Variants in CCSER1 observed in about 807,000 individuals in gnomAD.
CCSER1 encodes serine-rich coiled-coil domain-containing protein 1.
CCSER1 carries 41 observed loss-of-function variants against 82.0 expected under a neutral mutation model. The observed-to-expected ratio is 0.50, with a 90% CI of 0.39 to 0.65. CCSER1 has a LOEUF of 0.65. Ranked by LOEUF, CCSER1 falls within the 30% of genes least tolerant of loss-of-function variation. The pLI is 0.00. For missense variants in CCSER1, 1,119 were observed against 1,064.2 expected (o/e 1.05, Z -0.72); for synonymous variants, 414 against 383.9 (o/e 1.08, Z -0.92).
chr4:90,919,084 C>A (rs1438772654), intron 8 of CCSER1, among the ~76,000 whole-genome samples: 3 of 95,098 alleles, frequency 3.2e-5, no homozygotes, highest in Admixed American at 1.4e-4. Flanking sequence ...AAATTGTTTC[C>A]ACAGTAAAAA....
At chr4:90,763,287 A>G (rs1468333746) in intron 7 of CCSER1, among the ~76,000 whole-genome samples, 1 of 152,002 alleles carries the variant, frequency 6.6e-6, no homozygotes, top group Non-Finnish European at 1.5e-5. Context: ...AGAGAGGTCA[A>G]GCAGTAGACT....
intron 1 of CCSER1, among the ~76,000 whole-genome samples, chr4:90,198,888 C>T (rs1346031171): frequency 6.6e-6 from 1 of 151,894 alleles, no homozygotes; most frequent in African/African-American, 2.4e-5. Context: ...TTATTCAAAT[C>T]TTTACATTTA....
At chr4:91,054,049 A>T (rs1350980714) in intron 9 of CCSER1, among the ~76,000 whole-genome samples, 1 of 152,194 alleles carries the variant, frequency 6.6e-6, no homozygotes, top group Non-Finnish European at 1.5e-5. Context: ...ATAAATTGCT[A>T]CAAGTGGTAT....
intron 4 of CCSER1, among the ~76,000 whole-genome samples, chr4:90,424,477 A>G (rs1214332282): frequency 6.6e-6 from 1 of 152,196 alleles, no homozygotes; most frequent in African/African-American, 2.4e-5. Flanking sequence ...CTTTACATGC[A>G]TACATGAATT....
intron 8 of CCSER1, among the ~76,000 whole-genome samples, chr4:90,916,801 TCAAA>T (rs1310558204): frequency 6.6e-6 from 1 of 151,742 alleles, no homozygotes; most frequent in Non-Finnish European, 1.5e-5. Flanking sequence ...TACAAAGAAC[TCAAA>T]CAAATTTACA....
chr4:90,817,218 T>C (rs1249523559), intron 8 of CCSER1, among the ~76,000 whole-genome samples: 1 of 152,138 alleles, frequency 6.6e-6, no homozygotes, highest in African/African-American at 2.4e-5. Context: ...CACCTATAGA[T>C]ATTTATTGCA....
chr4:91,592,043 G>T (rs980958173), intron 10 of CCSER1, among the ~76,000 whole-genome samples: 1 of 152,128 alleles, frequency 6.6e-6, no homozygotes, highest in African/African-American at 2.4e-5. Flanking sequence ...CCAGGTACTG[G>T]TAGGACATGT....
chr4:90,594,476 T>C (rs1783076722), intron 5 of CCSER1, among the ~76,000 whole-genome samples: 1 of 152,078 alleles, frequency 6.6e-6, no homozygotes, highest in African/African-American at 2.4e-5. Context: ...CCAACATAAG[T>C]ATGGACAGGG....
intron 5 of CCSER1, among the ~76,000 whole-genome samples, chr4:90,498,591 T>C (rs1316156201): frequency 1.3e-5 from 2 of 152,200 alleles, no homozygotes; most frequent in Non-Finnish European, 2.9e-5. Context: ...TTGTAAATTA[T>C]AATGGCATGA....
chr4:90,198,353 T>G (rs923268786), intron 1 of CCSER1, among the ~76,000 whole-genome samples: 1 of 152,114 alleles, frequency 6.6e-6, no homozygotes, highest in Admixed American at 6.6e-5. Flanking sequence ...TACCACTGCT[T>G]GTAGATCCCA....
At chr4:91,145,559 T>C (rs1429911091) in intron 10 of CCSER1, among the ~76,000 whole-genome samples, 5 of 152,196 alleles carry the variant, frequency 3.3e-5, no homozygotes, top group Non-Finnish European at 7.4e-5. Context: ...GTGGGCTATG[T>C]ACTTAAGTGT....
intron 8 of CCSER1, among the ~76,000 whole-genome samples, chr4:90,878,515 T>G (rs1223938385): frequency 6.6e-6 from 1 of 152,146 alleles, no homozygotes; most frequent in Non-Finnish European, 1.5e-5. Context: ...AAATGCTAAA[T>G]GAATAATATA....
chr4:91,083,141 G>A (rs1722971587), intron 9 of CCSER1, among the ~76,000 whole-genome samples: 1 of 152,158 alleles, frequency 6.6e-6, no homozygotes, highest in Non-Finnish European at 1.5e-5. Flanking sequence ...ATTCACAATA[G>A]CAAAGACTTG....
chr4:91,539,999 ATAAG>A (rs541927888), intron 10 of CCSER1, among the ~76,000 whole-genome samples: 130 of 152,274 alleles, frequency 8.5e-4, no homozygotes, highest in African/African-American at 2.9e-3. Flanking sequence ...ATGATGGAAC[ATAAG>A]TAAGTCTCTA....
At chr4:90,152,939 G>T (rs1228458440) in intron 1 of CCSER1, among the ~76,000 whole-genome samples, 1 of 150,700 alleles carries the variant, frequency 6.6e-6, no homozygotes. Context: ...CAATGTGCAG[G>T]TTAGTTACAT....
At chr4:90,624,274 G>A (rs1372348347) in intron 5 of CCSER1, among the ~76,000 whole-genome samples, 1 of 152,114 alleles carries the variant, frequency 6.6e-6, no homozygotes, top group Admixed American at 6.6e-5. Context: ...CTATGCAACT[G>A]ACATGATCTT....
chr4:91,151,705 T>C (rs1455961126), intron 10 of CCSER1, among the ~76,000 whole-genome samples: 1 of 152,220 alleles, frequency 6.6e-6, no homozygotes, highest in Non-Finnish European at 1.5e-5. Flanking sequence ...AAGAACGTCT[T>C]TGTTTCTGCC....
chr4:91,472,902 T>C (rs1196683596), intron 10 of CCSER1, among the ~76,000 whole-genome samples: 1 of 152,194 alleles, frequency 6.6e-6, no homozygotes, highest in African/African-American at 2.4e-5. Flanking sequence ...TTATATCACA[T>C]AATGGTCAGC....
chr4:91,305,856 G>A (rs555113307), intron 10 of CCSER1, among the ~76,000 whole-genome samples: 2 of 152,072 alleles, frequency 1.3e-5, no homozygotes, highest in South Asian at 2.1e-4. Context: ...GCAGAAGAGC[G>A]TGTTCAGGGG....
Sources: gnomAD v4.1 joint callset for allele counts (sites outside exome capture counted in the v4.1 genomes callset) on GRCh38, gnomAD v4.1.1 for gene constraint, MANE v1.5 for transcripts, NCBI Gene and HGNC (gene_info 2026-07-23, HGNC 2026-07-21) for gene names.